Variants in SLC22A8 observed in about 807,000 individuals in gnomAD.
SLC22A8 encodes organic anion transporter 3.
A neutral mutation model predicts 48.4 loss-of-function variants in SLC22A8; 40 were observed. The ratio of observed to expected loss-of-function variants is 0.83; its 90% CI spans 0.64 to 1.08. The LOEUF is 1.08. Ranked by LOEUF, SLC22A8 falls within the 50% of genes least tolerant of loss-of-function variation. The pLI is 0.00. For synonymous variants in SLC22A8, 268 were observed against 286.3 expected (o/e 0.94, Z 0.65); for missense variants, 606 against 699.0 (o/e 0.87, Z 1.50).
At chr11:62,999,462 C>T (rs2086464404) in intron 4 of SLC22A8, 1 of 476,374 alleles carries the variant, frequency 2.1e-6, no homozygotes, top group Non-Finnish European at 3.7e-6. Context: ...AGATTGTGTA[C>T]CTAGCAGAGT....
At chr11:63,002,610 C>T (rs2086509531) in intron 2 of SLC22A8, among the ~76,000 whole-genome samples, 1 of 151,972 alleles carries the variant, frequency 6.6e-6, no homozygotes, top group African/African-American at 2.4e-5. Context: ...TTAAAGATAC[C>T]ATATATAAAT....
In SLC22A8 at chr11:62,994,881, G is replaced by T. The variant is rs181882530; in HGVS notation, c.1002-125C>A. ...TGTGCCAACTGCAACTGATGATAGG[G>T]GCTGCTTGAGTGTCCTTTTGAGGTT... On this transcript the variant is annotated intron_variant, in intron 7 of 10. Transcript: ENST00000336232. The T allele has an allele frequency of 2.1e-4, 153 of 726,900 alleles. 1 individual carries two copies. In the East Asian group the frequency reaches 3.4e-3, roughly 16 times the overall value. 45.0% of individuals were successfully genotyped at this position (726,900 alleles called of 1,614,324 possible).
In SLC22A8 at chr11:62,993,547, A is replaced by G. The variant is rs1160437307; in HGVS notation, c.1406T>C (p.Val469Ala). 1.9e-6 allele frequency: 3 copies of G among 1,614,086 alleles called. No individual in the cohort carries two copies. In the South Asian group the frequency reaches 3.3e-5, roughly 18 times the overall value. Residue 469 changes from valine to alanine, a missense_variant, in exon 10 of 11, where the codon GTA becomes GCA. Transcript: ENST00000336232. ...GATGATATTGGGGATGAAGGGCTGT[A>G]CCTCACCCGTGATTTTCACCAGCGG... ...VSPLVKITGEVQPFIPNIIYG... is the reference protein window; with the variant it reads ...VSPLVKITGEAQPFIPNIIYG...
intron 2 of SLC22A8, among the ~76,000 whole-genome samples, chr11:63,012,547 C>G (rs1216848525): frequency 1.3e-5 from 2 of 152,186 alleles, no homozygotes; most frequent in African/African-American, 4.8e-5. Flanking sequence ...CTGACTCCAG[C>G]AAGCCCGCCT....
chr11:62,999,165 CT>C (rs1190148593), intron 4 of SLC22A8, 76 bp from the exon 5 acceptor site: 1 of 1,316,214 alleles, frequency 7.6e-7, no homozygotes, highest in Non-Finnish European at 1.1e-6. Flanking sequence ...GCACCAGCTT[CT>C]GCATCCCCAC....
At chr11:63,006,404 A>C (rs1402414523) in intron 2 of SLC22A8, among the ~76,000 whole-genome samples, 1 of 152,130 alleles carries the variant, frequency 6.6e-6, no homozygotes, top group Non-Finnish European at 1.5e-5. Context: ...ACAGGTGGTC[A>C]ATAAGTGTTT....
At chr11:63,014,485 C>G (rs1294603268) in intron 2 of SLC22A8, 141 bp downstream of exon 2, 2 of 700,004 alleles carry the variant, frequency 2.9e-6, no homozygotes, top group East Asian at 5.0e-5. Flanking sequence ...CTTCTGCACT[C>G]AGGTCCTTCC....
chr11:63,000,345 G>T (rs369263638), intron 3 of SLC22A8, among the ~76,000 whole-genome samples: 2 of 152,206 alleles, frequency 1.3e-5, no homozygotes, highest in East Asian at 1.9e-4. Context: ...TTAGCCAGGC[G>T]TGGTGACACA....
chr11:62,997,824 T>C (rs886472312), intron 5 of SLC22A8, among the ~76,000 whole-genome samples: 4 of 152,328 alleles, frequency 2.6e-5, no homozygotes, highest in African/African-American at 9.6e-5. Flanking sequence ...AGAGAAGCCA[T>C]GAGGATCAGA....
chr11:62,997,410 G>C (rs1272947730), intron 5 of SLC22A8, among the ~76,000 whole-genome samples: 1 of 151,988 alleles, frequency 6.6e-6, no homozygotes, highest in African/African-American at 2.4e-5. Flanking sequence ...GTTTTTAGTA[G>C]AGACGGGGTT....
intron 2 of SLC22A8, among the ~76,000 whole-genome samples, chr11:63,006,887 G>A (rs559801261): frequency 1.6e-4 from 24 of 151,850 alleles, no homozygotes; most frequent in African/African-American, 5.6e-4. Context: ...GATTACAGGC[G>A]TGAGCCACCG....
chr11:62,993,092 CTGG>C lies in SLC22A8; in HGVS notation c.*142_*144del. 2 of 634,284 alleles carry C rather than the reference CTGG, an allele frequency of 3.2e-6. No individual in the cohort carries two copies. Among genetic ancestry groups the C allele is most frequent in the Non-Finnish European group, 5.5e-6 (2 of 362,092 alleles). 39.3% of individuals were successfully genotyped at this position (634,284 alleles called of 1,614,324 possible). ...ACTGGCCAGGGCTGGGCAGGAGGCT[CTGG>C]TGGTGGTGATGGAGACACCTTCACC... On this transcript the variant is annotated 3_prime_UTR_variant, in exon 11 of 11. Coordinates refer to ENST00000336232, the MANE Select transcript of SLC22A8 (RefSeq NM_004254.4).
chr11:63,006,595 G>GTTTTTTGTT (rs2086557443), intron 2 of SLC22A8, among the ~76,000 whole-genome samples: 1 of 51,402 alleles, frequency 1.9e-5, no homozygotes. Flanking sequence ...TCTCATTTGA[G>GTTTTTTGTT]TTTTTTTTTT....
intron 2 of SLC22A8, chr11:63,001,087 G>T: frequency 2.3e-6 from 1 of 438,584 alleles, no homozygotes; most frequent in Admixed American, 3.5e-5. Flanking sequence ...TCCAGGTCTG[G>T]CCTCAACTGC....
chr11:62,999,981 C>T (rs1301195077), intron 3 of SLC22A8, 139 bp from the exon 4 acceptor site: 1 of 633,970 alleles, frequency 1.6e-6, no homozygotes, highest in African/African-American at 1.9e-5. Flanking sequence ...CCTCCCCAGA[C>T]ACAGCTTTCT....
intron 2 of SLC22A8, among the ~76,000 whole-genome samples, chr11:63,005,114 T>G (rs1590696926): frequency 6.6e-6 from 1 of 152,094 alleles, no homozygotes; most frequent in Non-Finnish European, 1.5e-5. Context: ...GAAGGAAGAG[T>G]GATTTGTGGT....
intron 7 of SLC22A8, chr11:62,995,384 G>C: frequency 2.4e-6 from 1 of 414,072 alleles, no homozygotes; most frequent in South Asian, 3.3e-5. Flanking sequence ...GACCCAGAGG[G>C]GGGCAGTGAC....
chr11:63,009,755 C>A (rs1183453932), intron 2 of SLC22A8, among the ~76,000 whole-genome samples: 1 of 152,168 alleles, frequency 6.6e-6, no homozygotes. Context: ...CTGTCCAGAC[C>A]CAGTGCTGGG....
chr11:63,011,244 C>G (rs557877517), intron 2 of SLC22A8, among the ~76,000 whole-genome samples: 21 of 152,332 alleles, frequency 1.4e-4, no homozygotes, highest in Non-Finnish European at 2.5e-4. Context: ...AATGACCTGT[C>G]CCTCAGTTTC....
Sources: gnomAD v4.1 joint callset for allele counts (sites outside exome capture counted in the v4.1 genomes callset) on GRCh38, gnomAD v4.1.1 for gene constraint, MANE v1.5 for transcripts, NCBI Gene and HGNC (gene_info 2026-07-23, HGNC 2026-07-21) for gene names.